VRK1: variants seen among roughly 807,000 people sequenced by gnomAD.
VRK1 encodes the protein serine/threonine-protein kinase VRK1.
VRK1 carries 33 observed loss-of-function variants against 57.1 expected under a neutral mutation model. That is an observed-to-expected ratio of 0.58 (90% CI 0.44 to 0.77). VRK1 has a LOEUF of 0.77. Ranked by LOEUF, VRK1 falls within the 30% of genes least tolerant of loss-of-function variation. The pLI, the probability that VRK1 is intolerant of heterozygous loss-of-function variation, is 0.00. For missense variants in VRK1, 413 were observed against 477.3 expected (o/e 0.87, Z 1.25); for synonymous variants, 137 against 147.8 (o/e 0.93, Z 0.53).
chr14:96,807,255 A>C (rs951798938), intron 1 of VRK1, among the ~76,000 whole-genome samples: 1 of 152,204 alleles, frequency 6.6e-6, no homozygotes, highest in African/African-American at 2.4e-5. Flanking sequence ...GTGGAAGTCT[A>C]CTTAATTTCT....
chr14:96,851,161 A>T (rs1887930931), intron 5 of VRK1, among the ~76,000 whole-genome samples: 3 of 150,754 alleles, frequency 2.0e-5, no homozygotes, highest in Admixed American at 2.0e-4. Context: ...TTTTTAATTG[A>T]GGTGGAGTTT....
At position 96,871,782 on chromosome 14, in the gene VRK1, CAATA is replaced by C. The variant is rs1268262166; in HGVS notation, c.1069-4244_1069-4241del. Among the ~76,000 whole-genome samples the C allele has an allele frequency of 8.5e-5, 13 of 152,214 alleles. 1 individual carries two copies. Among genetic ancestry groups the C allele is most frequent in the African/African-American group, 3.1e-4 (13 of 41,548 alleles). ...CTTCATCACTGAAACTCATTGAAAA[CAATA>C]AATCACTTTAATAAATTCTAGCAAA... On this transcript the variant is annotated intron_variant, in intron 11 of 12. Transcript: ENST00000216639.
At chr14:96,874,459 G>A (rs1183159352) in intron 11 of VRK1, among the ~76,000 whole-genome samples, 2 of 152,088 alleles carry the variant, frequency 1.3e-5, no homozygotes, top group Non-Finnish European at 2.9e-5. Context: ...GGGTTTAGAC[G>A]GTAATCATGA....
At chr14:96,827,118 C>G (rs1886826309) in intron 1 of VRK1, among the ~76,000 whole-genome samples, 1 of 129,884 alleles carries the variant, frequency 7.7e-6, no homozygotes, top group African/African-American at 3.0e-5. Flanking sequence ...CACTAGGGAA[C>G]TTTATGGTGT....
At chr14:96,841,858 TA>T (rs1566701647) in intron 3 of VRK1, among the ~76,000 whole-genome samples, 2 of 151,304 alleles carry the variant, frequency 1.3e-5, no homozygotes, top group Non-Finnish European at 1.5e-5. Context: ...ATACCAAAAA[TA>T]AAACAAAACA....
intron 5 of VRK1, 111 bp from the exon 6 acceptor site, chr14:96,852,720 A>G: frequency 1.3e-6 from 1 of 779,262 alleles, no homozygotes; most frequent in African/African-American, 1.7e-5. Context: ...TTTTTTAAAG[A>G]ATACTTCTTT....
In VRK1 at chr14:96,855,297, C is replaced by CCAAAAGATGT. The variant is rs1222669389; in HGVS notation, c.653_662dup (p.His221GlnfsTer9). ...GTTCATAAAGAATACAAAGAAGACC[C>CCAAAAGATGT]CAAAAGATGTCACGATGGCACTATT... On this transcript the variant is annotated frameshift_variant, in exon 8 of 13. Coordinates refer to ENST00000216639, the MANE Select transcript of VRK1 (RefSeq NM_003384.3). LOFTEE classifies it high-confidence loss of function. 6.2e-7 allele frequency: 1 copy of CCAAAAGATGT among 1,613,906 alleles called. No homozygotes were observed. The highest frequency in any genetic ancestry group is 8.5e-7 in the Non-Finnish European group (1 of 1,179,986).
chr14:96,862,510 G>GC (rs558877127), intron 11 of VRK1, among the ~76,000 whole-genome samples: 2,067 of 97,322 alleles, frequency 0.021, 54 homozygotes, highest in African/African-American at 0.075. Flanking sequence ...AATTTTGTTA[G>GC]CTTTTTTTTT....
At chr14:96,805,290 G>C (rs1885826797) in intron 1 of VRK1, among the ~76,000 whole-genome samples, 5 of 152,166 alleles carry the variant, frequency 3.3e-5, no homozygotes. Flanking sequence ...AGAATTTCCG[G>C]ACAGTAAAGA....
Position 96,833,495 on chromosome 14 carries a change from A to T in VRK1, c.24A>T (p.Gln8His). Reference protein sequence around the residue: MPRVKAAQAGRQSSAKRH... With the variant: MPRVKAAHAGRQSSAKRH... ...AAATGCCTCGTGTAAAAGCAGCTCA[A>T]GCTGGAAGACAGAGCTCTGCAAAGA... is the stretch of plus-strand genomic sequence containing the variant. Residue 8 changes from glutamine (Q) to histidine (H), a missense_variant, in exon 2 of 13, where the codon CAA (glutamine) becomes CAT (histidine). By Grantham distance (24) the Gln-to-His change is conservative (BLOSUM62 0). Around this residue, in one of 3 missense-constraint regions of VRK1, gnomAD observed 116 missense variants for 113.6 expected, o/e 1.02. Coordinates refer to ENST00000216639, the MANE Select transcript of VRK1 (RefSeq NM_003384.3). 1 of 1,613,746 alleles carries T rather than the reference A, an allele frequency of 6.2e-7. No homozygotes were observed.
chr14:96,819,434 C>T (rs1886513399), intron 1 of VRK1, among the ~76,000 whole-genome samples: 1 of 152,178 alleles, frequency 6.6e-6, no homozygotes, highest in Admixed American at 6.5e-5. Flanking sequence ...CTGTGCATCA[C>T]AGTACCCTGT....
intron 11 of VRK1, among the ~76,000 whole-genome samples, chr14:96,874,241 A>G (rs898301544): frequency 1.3e-5 from 2 of 152,214 alleles, no homozygotes; most frequent in South Asian, 4.1e-4. Flanking sequence ...TGCCTAATGC[A>G]TCACAAATCT....
intron 5 of VRK1, among the ~76,000 whole-genome samples, chr14:96,849,933 A>T (rs921565186): frequency 6.6e-6 from 1 of 152,054 alleles, no homozygotes; most frequent in African/African-American, 2.4e-5. Context: ...TCCAAGGTTG[A>T]CTCTGTAAGC....
At chr14:96,843,563 T>A (rs1364164143) in intron 3 of VRK1, among the ~76,000 whole-genome samples, 1 of 152,232 alleles carries the variant, frequency 6.6e-6, no homozygotes, top group East Asian at 1.9e-4. Flanking sequence ...CTGGTGCCAT[T>A]GAAATATATC....
chr14:96,824,450 C>G (rs529240920), intron 1 of VRK1, among the ~76,000 whole-genome samples: 1 of 152,142 alleles, frequency 6.6e-6, no homozygotes, highest in Non-Finnish European at 1.5e-5. Flanking sequence ...GATTCAGTGT[C>G]AGCTAGATTT....
intron 2 of VRK1, among the ~76,000 whole-genome samples, 162 bp downstream of exon 2, chr14:96,833,793 A>G (rs1293611582): frequency 6.6e-6 from 1 of 152,224 alleles, no homozygotes; most frequent in Non-Finnish European, 1.5e-5. Context: ...AGGAGTGGAA[A>G]TTGTTAATGC....
Position 96,846,104 on chromosome 14 carries a change from G to C in VRK1, c.226G>C (p.Asp76His). The C allele has an allele frequency of 6.2e-7, 1 of 1,613,278 alleles. No homozygotes were observed. The highest frequency in any genetic ancestry group is 8.5e-7 in the Non-Finnish European group (1 of 1,179,482). The change falls in exon 4 of 13, where the codon GAC (aspartate) becomes CAC (histidine). Residue 76 changes from aspartate (D) to histidine (H), a missense_variant. Transcript: ENST00000216639. ...APCVVKVEPSDNGPLFTELKF... is the reference protein window; with the variant it reads ...APCVVKVEPSHNGPLFTELKF... ...ACTCTTATATTTTAAGGAACCCAGT[G>C]ACAATGGACCTCTTTTTACTGAATT...
At chr14:96,870,270 T>G (rs1888767590) in intron 11 of VRK1, among the ~76,000 whole-genome samples, 1 of 152,190 alleles carries the variant, frequency 6.6e-6, no homozygotes, top group Non-Finnish European at 1.5e-5. Flanking sequence ...GAAATCATTA[T>G]TATTATGCAT....
intron 2 of VRK1, among the ~76,000 whole-genome samples, chr14:96,837,444 C>A (rs1044917846): frequency 6.6e-6 from 1 of 152,096 alleles, no homozygotes; most frequent in African/African-American, 2.4e-5. Context: ...CTGGGGAATT[C>A]ACAATATCCA....
Sources: gnomAD v4.1 joint callset for allele counts (sites outside exome capture counted in the v4.1 genomes callset) on GRCh38, gnomAD v4.1.1 for gene constraint, gnomAD v4.1.1 regional missense constraint, MANE v1.5 for transcripts, NCBI Gene and HGNC (gene_info 2026-07-23, HGNC 2026-07-21) for gene names.